HTT: variants seen among roughly 807,000 people sequenced by gnomAD.
HTT encodes huntington disease protein.
HTT carries 104 observed loss-of-function variants against 362.3 expected under a neutral mutation model. The observed-to-expected ratio is 0.29, with a 90% CI of 0.24 to 0.34. The LOEUF (loss-of-function observed/expected upper bound fraction) is 0.34. Ranked by LOEUF, HTT falls within the 10% of genes least tolerant of loss-of-function variation. The pLI is 1.00. For missense variants in HTT, 3,301 were observed against 3,928.6 expected (o/e 0.84, Z 4.27); for synonymous variants, 1,577 against 1,548.7 (o/e 1.02, Z -0.43).
chr4:3,105,630 T>C (rs1714385254), intron 5 of HTT, among the ~76,000 whole-genome samples, 194 bp downstream of exon 5: 1 of 152,216 alleles, frequency 6.6e-6, no homozygotes, highest in Non-Finnish European at 1.5e-5. Flanking sequence ...TGTGTGCTTG[T>C]TTATTTTCTA....
At chr4:3,095,358 C>T (rs1713799562) in intron 2 of HTT, among the ~76,000 whole-genome samples, 1 of 152,238 alleles carries the variant, frequency 6.6e-6, no homozygotes, top group Non-Finnish European at 1.5e-5. Flanking sequence ...AACCCCGTCT[C>T]CACCAAAAAA....
At chr4:3,210,392 C>T (rs931991454) in intron 47 of HTT, among the ~76,000 whole-genome samples, 3 of 152,186 alleles carry the variant, frequency 2.0e-5, no homozygotes, top group Non-Finnish European at 4.4e-5. Flanking sequence ...TAATGCGTGA[C>T]GTCAATAACT....
At chr4:3,175,802 C>T (rs560913416) in intron 33 of HTT, among the ~76,000 whole-genome samples, 15 of 152,214 alleles carry the variant, frequency 9.9e-5, no homozygotes, top group South Asian at 4.2e-4. Context: ...ATTTTTGAGC[C>T]GTGATCTTGG....
At chr4:3,085,877 G>T (rs1195470840) in intron 1 of HTT, among the ~76,000 whole-genome samples, 1 of 152,138 alleles carries the variant, frequency 6.6e-6, no homozygotes, top group African/African-American at 2.4e-5. Flanking sequence ...TGGGAAGGAG[G>T]CATCTTTAGC....
rs1166653969 is a variant in HTT at position 3,235,728 on chromosome 4, C to T, written c.8735C>T (p.Pro2912Leu). 1 of 1,612,416 alleles carries T rather than the reference C, an allele frequency of 6.2e-7. No homozygotes were observed. Among genetic ancestry groups the T allele is most frequent in the Non-Finnish European group, 8.5e-7 (1 of 1,180,016 alleles). Residue 2912 changes from proline (P) to leucine (L), a missense_variant, in exon 63 of 67, where the codon CCG becomes CTG. Coordinates refer to ENST00000355072, the MANE Select transcript of HTT (RefSeq NM_001388492.1). ...LSVDRVNVHS[P>L]HRAMAALGLM... is the part of the protein sequence containing the mutation. ...GTGGACAGAGTGAACGTGCACAGCC[C>T]GCACCGGGCCATGGCGGCTCTGGGC... is the stretch of plus-strand genomic sequence containing the variant.
At chr4:3,222,824 G>T (rs1435853683) in intron 54 of HTT, among the ~76,000 whole-genome samples, 1 of 152,154 alleles carries the variant, frequency 6.6e-6, no homozygotes, top group Non-Finnish European at 1.5e-5. Flanking sequence ...CTTTATAAAG[G>T]CCATGAGTAG....
intron 62 of HTT, 69 bp from the exon 63 acceptor site, chr4:3,235,496 C>A (rs145856149): frequency 7.1e-6 from 11 of 1,543,572 alleles, no homozygotes; most frequent in South Asian, 1.1e-5. Flanking sequence ...TTGACTTGGT[C>A]GGGAGGAGGC....
Position 3,074,926 on chromosome 4 carries a change from AG to A in HTT, c.102del (p.Gln34HisfsTer67), listed in dbSNP as rs746481543. ...QQQQQQQQQQ[Q>X]QQQQPPPPPP... ...CAGCAGCAGCAGCAGCAGCAGCAGC[AG>A]CAGCAGCAACAGCCGCCACCGCCGC... On this transcript the variant is annotated frameshift_variant, in exon 1 of 67. Coordinates refer to ENST00000355072, the MANE Select transcript of HTT (RefSeq NM_001388492.1). LOFTEE classifies it high-confidence loss of function. 0.016 allele frequency: 22,630 copies of A among 1,456,578 alleles called. 680 individuals carry two copies. The highest frequency in any genetic ancestry group is 0.11 in the African/African-American group (6,566 of 62,074). 90.2% of individuals were successfully genotyped at this position (1,456,578 alleles called of 1,614,324 possible).
rs1445281706 is a variant in HTT, at chr4:3,074,793, T to A, written c.-33T>A. 1 of 1,508,260 alleles carries A rather than the reference T, an allele frequency of 6.6e-7. No homozygotes were observed. The highest frequency in any genetic ancestry group is 2.7e-5 in the East Asian group (1 of 36,744). The allele number at this position is 1,508,260 out of a possible 1,614,324, so 93.4% of individuals were successfully genotyped here. On this transcript the variant is annotated 5_prime_UTR_variant, in exon 1 of 67. Transcript: ENST00000355072. ...CGGCGCCGCGAGTCGGCCCGAGGCC[T>A]CCGGGGACTGCCGTGCCGGGCGGGA...
chr4:3,135,233 G>T (rs1716002521), intron 19 of HTT, among the ~76,000 whole-genome samples: 2 of 151,484 alleles, frequency 1.3e-5, no homozygotes, highest in Admixed American at 1.3e-4. Context: ...TTTATATTTT[G>T]TTGCAATTAA....
At chr4:3,077,081 G>A (rs1043411670) in intron 1 of HTT, among the ~76,000 whole-genome samples, 7 of 152,042 alleles carry the variant, frequency 4.6e-5, no homozygotes, top group African/African-American at 1.7e-4. Context: ...GGGAGGCTGA[G>A]GCAGGAAAAT....
chr4:3,152,246 C>T (rs928765667), intron 26 of HTT, among the ~76,000 whole-genome samples: 1 of 151,552 alleles, frequency 6.6e-6, no homozygotes, highest in Admixed American at 6.6e-5. Flanking sequence ...TTACAGGCGC[C>T]TGCCACCACA....
intron 26 of HTT, among the ~76,000 whole-genome samples, chr4:3,149,339 C>T (rs561162439): frequency 1.9e-4 from 27 of 144,828 alleles, no homozygotes; most frequent in African/African-American, 6.5e-4. Context: ...TTCTTGTTGC[C>T]TGGGCTGGAG....
Position 3,075,057 on chromosome 4 carries a change from C to G in HTT, c.232C>G (p.Pro78Ala), listed in dbSNP as rs1712438098. The G allele has an allele frequency of 8.0e-7, 1 of 1,248,458 alleles. No homozygotes were observed. Among genetic ancestry groups the G allele is most frequent in the Non-Finnish European group, 1.0e-6 (1 of 1,002,896 alleles). 77.3% of individuals were successfully genotyped at this position (1,248,458 alleles called of 1,614,324 possible). Residue 78 changes from proline (P) to alanine (A), a missense_variant, in exon 1 of 67, where the codon CCG (proline) becomes GCG (alanine). Pro to Ala is a conservative substitution (Grantham distance 27). Around this residue, in one of 4 missense-constraint regions of HTT, gnomAD observed 2,316 missense variants for 2,658.5 expected, o/e 0.87. Transcript: ENST00000355072. ...GCCGCCGCCCCCGCCGCCACCCGGCCCGGCTGTGGCTGAGGAGCCGCTGCA... is the reference window on the plus strand; with the variant it reads ...GCCGCCGCCCCCGCCGCCACCCGGCGCGGCTGTGGCTGAGGAGCCGCTGCA... ...PPPPPPPPPG[P>A]AVAEEPLHRP...
intron 40 of HTT, 60 bp from the exon 41 acceptor site, chr4:3,199,672 A>G (rs1373480176): frequency 2.1e-6 from 3 of 1,451,320 alleles, no homozygotes; most frequent in Non-Finnish European, 2.9e-6. Flanking sequence ...ATCTTCGCGT[A>G]GCCATGTGGC....
At chr4:3,155,877 G>T (rs540368301) in intron 27 of HTT, among the ~76,000 whole-genome samples, 3 of 147,870 alleles carry the variant, frequency 2.0e-5, no homozygotes, top group Non-Finnish European at 4.5e-5. Context: ...TAGCCTGGGC[G>T]ATAGAGCGAG....
chr4:3,166,833 G>C (rs1181961948), intron 29 of HTT, among the ~76,000 whole-genome samples: 1 of 152,226 alleles, frequency 6.6e-6, no homozygotes, highest in Non-Finnish European at 1.5e-5. Flanking sequence ...GCTCCTTCAG[G>C]TACAGTCACT....
chr4:3,103,374 A>G (rs560386411), intron 3 of HTT, among the ~76,000 whole-genome samples: 16 of 151,420 alleles, frequency 1.1e-4, no homozygotes, highest in African/African-American at 3.6e-4. Context: ...ACAGGCGCCC[A>G]CCACCACACC....
chr4:3,125,572 G>A lies in HTT; in HGVS notation c.1345G>A (p.Glu449Lys), dbSNP rs1715484764. Residue 449 changes from glutamate (E) to lysine (K), a missense_variant, in exon 11 of 67, where the codon GAA becomes AAA. By Grantham distance (56) the Glu-to-Lys change is moderately conservative. Around this residue, in one of 4 missense-constraint regions of HTT, gnomAD observed 2,316 missense variants for 2,658.5 expected, o/e 0.87. Transcript: ENST00000355072. ...AGGCAAAGTGCTCTTAGGAGAAGAA[G>A]AAGCCTTGGAGGATGACTCTGAATC... is the stretch of plus-strand genomic sequence containing the variant. Reference protein sequence around the residue: ...QKGKVLLGEEEALEDDSESRS... With the variant: ...QKGKVLLGEEKALEDDSESRS... 1 of 1,613,632 alleles carries A rather than the reference G, an allele frequency of 6.2e-7. No individual in the cohort carries two copies. The highest frequency in any genetic ancestry group is 1.3e-5 in the African/African-American group (1 of 74,932).
Sources: allele counts gnomAD v4.1 joint callset (sites outside exome capture counted in the v4.1 genomes callset), GRCh38; gene constraint gnomAD v4.1.1; regional missense constraint gnomAD v4.1.1; transcripts MANE v1.5; gene names NCBI Gene and HGNC (gene_info 2026-07-23, HGNC 2026-07-21).